Variants in PABPC4L observed in about 807,000 individuals in gnomAD.
PABPC4L encodes the protein poly(A) binding protein cytoplasmic 4 like.
For synonymous variants in PABPC4L, 169 were observed against 164.1 expected (o/e 1.03, Z -0.23); for missense variants, 452 against 451.4 (o/e 1.00, Z -0.01).
At chr4:134,192,628 A>G (rs1254570415), downstream of PABPC4L, among the ~76,000 whole-genome samples, 3 of 152,124 alleles carry the variant, frequency 2.0e-5, no homozygotes, top group Non-Finnish European at 4.4e-5. Context: ...ATGTTTATTC[A>G]TGGTGAAAGA....
the PABPC4L span, among the ~76,000 whole-genome samples, chr4:134,093,094 C>G: frequency 1.3e-5 from 2 of 151,326 alleles, no homozygotes; most frequent in Admixed American, 1.3e-4. Context: ...TGTCCTCTCT[C>G]TCATTCTCCC....
At chr4:133,971,092 G>A in the PABPC4L span, among the ~76,000 whole-genome samples, 3 of 149,206 alleles carry the variant, frequency 2.0e-5, no homozygotes, top group African/African-American at 7.4e-5. Flanking sequence ...CACTACCTAG[G>A]TAAATCTTAT....
chr4:134,103,409 A>C, the PABPC4L span, among the ~76,000 whole-genome samples: 1 of 151,604 alleles, frequency 6.6e-6, no homozygotes, highest in East Asian at 1.9e-4. Flanking sequence ...GTGTCTGTAG[A>C]TTTGGTTTCT....
the PABPC4L span, among the ~76,000 whole-genome samples, chr4:134,161,267 A>T: frequency 1.3e-5 from 2 of 151,998 alleles, no homozygotes; most frequent in Admixed American, 6.6e-5. Flanking sequence ...AGAATGAAGC[A>T]TGCCTATAGG....
the PABPC4L span, among the ~76,000 whole-genome samples, chr4:134,044,500 G>A: frequency 2.6e-5 from 4 of 151,816 alleles, no homozygotes; most frequent in South Asian, 2.1e-4. Context: ...TCCTGACCTC[G>A]TGATCCACCC....
chr4:134,035,133 A>G, the PABPC4L span, among the ~76,000 whole-genome samples: 2 of 152,066 alleles, frequency 1.3e-5, no homozygotes, highest in African/African-American at 4.8e-5. Flanking sequence ...ATGACTCTCT[A>G]AAGGCTCAGA....
chr4:133,965,049 G>GA, the PABPC4L span, among the ~76,000 whole-genome samples: 1 of 152,084 alleles, frequency 6.6e-6, no homozygotes, highest in East Asian at 1.9e-4. Context: ...TTGACAATAT[G>GA]ATTGTTTACC....
the PABPC4L span, among the ~76,000 whole-genome samples, chr4:134,105,204 T>A: frequency 6.6e-5 from 10 of 151,728 alleles, no homozygotes; most frequent in African/African-American, 2.2e-4. Context: ...CTGGAACATT[T>A]CTCTTTACAT....
the PABPC4L span, among the ~76,000 whole-genome samples, chr4:134,185,822 A>T: frequency 6.6e-6 from 1 of 152,200 alleles, no homozygotes; most frequent in Admixed American, 6.5e-5. Context: ...TAAGCTGATA[A>T]GCAACTTCAG....
the PABPC4L span, among the ~76,000 whole-genome samples, chr4:133,978,320 G>T: frequency 6.6e-6 from 1 of 152,148 alleles, no homozygotes; most frequent in Non-Finnish European, 1.5e-5. Context: ...GTAAAAATCA[G>T]TTGCAGGATG....
At chr4:133,994,515 G>T in the PABPC4L span, among the ~76,000 whole-genome samples, 1 of 152,066 alleles carries the variant, frequency 6.6e-6, no homozygotes, top group Non-Finnish European at 1.5e-5. Context: ...TTGGCTGTGT[G>T]CACTTCCCTC....
the PABPC4L span, among the ~76,000 whole-genome samples, chr4:134,089,218 A>C: frequency 6.6e-6 from 1 of 152,012 alleles, no homozygotes; most frequent in South Asian, 2.1e-4. Context: ...TTTCTATGAG[A>C]TTTTAGACTA....
At chr4:133,953,874 A>G in the PABPC4L span, among the ~76,000 whole-genome samples, 1 of 152,184 alleles carries the variant, frequency 6.6e-6, no homozygotes, top group Non-Finnish European at 1.5e-5. Flanking sequence ...TATAAAGATT[A>G]CATCCTAAAA....
chr4:134,052,107 A>G, the PABPC4L span, among the ~76,000 whole-genome samples: 3 of 152,106 alleles, frequency 2.0e-5, no homozygotes, highest in Non-Finnish European at 2.9e-5. Flanking sequence ...GCTGATTACA[A>G]AAAGAGCCTG....
At chr4:134,058,073 C>T in the PABPC4L span, among the ~76,000 whole-genome samples, 4 of 151,618 alleles carry the variant, frequency 2.6e-5, no homozygotes, top group Non-Finnish European at 2.9e-5. Flanking sequence ...TAATAAGAAA[C>T]GAAAATGTAG....
chr4:134,171,608 A>T, the PABPC4L span, among the ~76,000 whole-genome samples: 1 of 152,272 alleles, frequency 6.6e-6, no homozygotes, highest in South Asian at 2.1e-4. Context: ...TAGAAGTAAA[A>T]CAAGACAAGG....
the PABPC4L span, among the ~76,000 whole-genome samples, chr4:134,061,745 A>G: frequency 6.6e-6 from 1 of 151,830 alleles, no homozygotes; most frequent in African/African-American, 2.4e-5. Flanking sequence ...TTTACTTAAT[A>G]GGATCTAAAA....
chr4:134,152,728 G>A, the PABPC4L span, among the ~76,000 whole-genome samples: 1 of 152,098 alleles, frequency 6.6e-6, no homozygotes, highest in Non-Finnish European at 1.5e-5. Context: ...TACTGCATTA[G>A]TCTGTTTTAT....
the PABPC4L span, among the ~76,000 whole-genome samples, chr4:134,050,840 G>A: frequency 2.7e-5 from 4 of 150,418 alleles, no homozygotes; most frequent in South Asian, 2.1e-4. Context: ...AATCACAGAC[G>A]TGGCCCGACA....
Sources: allele counts gnomAD v4.1 joint callset (sites outside exome capture counted in the v4.1 genomes callset), GRCh38; gene constraint gnomAD v4.1.1; transcripts MANE v1.5; gene names NCBI Gene and HGNC (gene_info 2026-07-23, HGNC 2026-07-21).